Variants in ZDHHC2 observed in about 807,000 individuals in gnomAD.
ZDHHC2 encodes the protein palmitoyltransferase ZDHHC2.
In ZDHHC2, 51 loss-of-function variants were observed where a neutral mutation model predicts 55.6. The ratio of observed to expected loss-of-function variants is 0.92; its 90% confidence interval spans 0.73 to 1.16. The LOEUF is 1.16. ZDHHC2 is among the 50% of genes most tolerant of loss of function. The pLI, the probability that ZDHHC2 is intolerant of heterozygous loss-of-function variation, is 0.00. For synonymous variants in ZDHHC2, 199 were observed against 152.9 expected, an observed-to-expected ratio of 1.30 and a Z score of -2.22; for missense variants, 491 against 442.4, an observed-to-expected ratio of 1.11 and a Z score of -0.99.
chr8:17,194,927 A>G (rs1585700736), intron 3 of ZDHHC2, among the ~76,000 whole-genome samples: 1 of 152,196 alleles, frequency 6.6e-6, no homozygotes, highest in South Asian at 2.1e-4. Context: ...ATTTATATAC[A>G]TATTATTAAA....
chr8:17,222,533 G>A lies in ZDHHC2; in HGVS notation c.*2312G>A, dbSNP rs1807966480. On this transcript the variant is annotated 3_prime_UTR_variant, in exon 13 of 13. Transcript: ENST00000262096. ...TGCTTTTATAGATTTTACTATATAG[G>A]AATCAAGATTTAAGAAATTTTGCAT... 6.6e-6 allele frequency: 1 copy of A among 151,714 alleles called. No individual in the cohort carries two copies. The highest frequency in any genetic ancestry group is 1.5e-5 in the Non-Finnish European group (1 of 67,766). 9.4% of individuals were successfully genotyped at this position (151,714 alleles called of 1,614,324 possible).
At chr8:17,162,933 A>G (rs1056368818) in intron 1 of ZDHHC2, 2 of 152,208 alleles carry the variant, frequency 1.3e-5, no homozygotes, top group Non-Finnish European at 2.9e-5. Flanking sequence ...ATCTTACCAC[A>G]TATATTTAGT....
At chr8:17,156,921 AG>A in intron 1 of ZDHHC2, 68 bp downstream of exon 1, 1 of 1,392,096 alleles carries the variant, frequency 7.2e-7, no homozygotes. Flanking sequence ...CGGGACGCTC[AG>A]CCGCTCCTCC....
rs1171396792 is a variant in ZDHHC2 at position 17,201,481 on chromosome 8, CTTTTTTTTTTTT to C, written c.476+3087_476+3098del. 7.8e-4 allele frequency among the ~76,000 whole-genome samples: 19 copies of C among 24,334 alleles called. No individual in the cohort carries two copies. The East Asian group carries it at 0.018, about 23-fold the overall frequency. 16.0% of individuals were successfully genotyped at this position (24,334 alleles called of 152,430 possible). ...GGGGCAGCCTTTTCTCTCTCTCTCT[CTTTTTTTTTTTT>C]TTTTTTTTTTTTTTTTTTAGATGGA... On this transcript the variant is annotated intron_variant, in intron 6 of 12. Coordinates refer to ENST00000262096, the MANE Select transcript of ZDHHC2 (RefSeq NM_016353.5).
At chr8:17,208,233 T>C (rs1807202040) in intron 8 of ZDHHC2, 141 bp downstream of exon 8, 4 of 794,692 alleles carry the variant, frequency 5.0e-6, no homozygotes, top group East Asian at 6.3e-5. Context: ...TTTTTTGATA[T>C]GTCGCTTAGA....
At chr8:17,215,741 C>A (rs1248831149) in intron 11 of ZDHHC2, among the ~76,000 whole-genome samples, 1 of 152,210 alleles carries the variant, frequency 6.6e-6, no homozygotes, top group Non-Finnish European at 1.5e-5. Flanking sequence ...TCCAAGATTT[C>A]TGTCCAATTT....
chr8:17,215,364 G>C lies in ZDHHC2; in HGVS notation c.1063+15G>C. Reference sequence around the variant, plus strand: ...ATGCAAAGCTGGTAAGGGTGTGCTTGTTTGGCTGTTTTTTGACATATTTTA... The same window carrying C: ...ATGCAAAGCTGGTAAGGGTGTGCTTCTTTGGCTGTTTTTTGACATATTTTA... On this transcript the variant is annotated intron_variant, in intron 11 of 12. Coordinates refer to ENST00000262096, the MANE Select transcript of ZDHHC2 (RefSeq NM_016353.5). 1 of 1,552,768 alleles carries C rather than the reference G, an allele frequency of 6.4e-7. No individual in the cohort carries two copies. Among genetic ancestry groups the C allele is most frequent in the Middle Eastern group, 1.7e-4 (1 of 5,972 alleles).
chr8:17,195,506 C>G lies in ZDHHC2; in HGVS notation c.255C>G (p.Phe85Leu). The G allele has an allele frequency of 1.2e-6, 2 of 1,612,498 alleles. No homozygotes were observed. Among genetic ancestry groups the G allele is most frequent in the Non-Finnish European group, 1.7e-6 (2 of 1,179,112 alleles). Residue 85 changes from phenylalanine (F) to leucine (L), a missense_variant and splice_region_variant, in exon 4 of 13, where the codon TTC becomes TTG. By Grantham distance (22) the Phe-to-Leu change is conservative. Transcript: ENST00000262096. ...TAAGATTTAAATGTATTCCACAGTT[C>G]CATCTCTCTTATGCAGAGAAAGATT... ...FTLPMNPSKE[F>L]HLSYAEKDLL... is the part of the protein sequence containing the mutation.
chr8:17,214,198 C>T (rs1221141685), intron 10 of ZDHHC2, among the ~76,000 whole-genome samples: 7 of 151,758 alleles, frequency 4.6e-5, no homozygotes, highest in East Asian at 3.9e-4. Context: ...TTTATGTATA[C>T]TTTTTCATGC....
chr8:17,166,806 T>C (rs1804622952), intron 1 of ZDHHC2, among the ~76,000 whole-genome samples: 1 of 152,146 alleles, frequency 6.6e-6, no homozygotes, highest in South Asian at 2.1e-4. Context: ...CCATCAAGTC[T>C]GGGAGGACTG....
In ZDHHC2 at chr8:17,209,502, G is replaced by T. The variant is rs539812570; in HGVS notation, c.731-430G>T. Among the ~76,000 whole-genome samples the T allele has an allele frequency of 3.9e-5, 6 of 152,050 alleles. No individual in the cohort carries two copies. The South Asian group carries it at 1.2e-3, about 32-fold the overall frequency. On this transcript the variant is annotated intron_variant, in intron 8 of 12. Coordinates refer to ENST00000262096, the MANE Select transcript of ZDHHC2 (RefSeq NM_016353.5). Reference sequence around the variant, plus strand: ...ACCCTGACTCAAAAATAAACAAATGGATTTACTTAAAAACAAAGGTTGTAG... The same window carrying T: ...ACCCTGACTCAAAAATAAACAAATGTATTTACTTAAAAACAAAGGTTGTAG...
chr8:17,161,823 G>A (rs1282316900), intron 1 of ZDHHC2, among the ~76,000 whole-genome samples: 1 of 152,110 alleles, frequency 6.6e-6, no homozygotes, highest in Non-Finnish European at 1.5e-5. Flanking sequence ...TCACACCACT[G>A]CACTTCAGCC....
chr8:17,160,855 G>A (rs1335618157), intron 1 of ZDHHC2, among the ~76,000 whole-genome samples: 1 of 152,340 alleles, frequency 6.6e-6, no homozygotes, highest in South Asian at 2.1e-4. Context: ...AATGGGCGTG[G>A]CTTTTATTCA....
chr8:17,179,177 C>T (rs1371214090), intron 1 of ZDHHC2, among the ~76,000 whole-genome samples: 1 of 152,116 alleles, frequency 6.6e-6, no homozygotes, highest in South Asian at 2.1e-4. Flanking sequence ...ATCTCAAACT[C>T]CTGGCCTCAA....
At chr8:17,213,874 C>A (rs1347540838) in intron 10 of ZDHHC2, among the ~76,000 whole-genome samples, 1 of 151,938 alleles carries the variant, frequency 6.6e-6, no homozygotes, top group African/African-American at 2.4e-5. Flanking sequence ...TATATTTAAA[C>A]CTGTGTGGAG....
intron 1 of ZDHHC2, among the ~76,000 whole-genome samples, chr8:17,166,059 G>A (rs956332049): frequency 6.6e-6 from 1 of 152,190 alleles, no homozygotes; most frequent in African/African-American, 2.4e-5. Flanking sequence ...TCAGGCCAGA[G>A]GCCACTGTGA....
intron 10 of ZDHHC2, 38 bp from the exon 11 acceptor site, chr8:17,215,199 C>A: frequency 6.6e-7 from 1 of 1,511,346 alleles, no homozygotes; most frequent in Admixed American, 2.1e-5. Flanking sequence ...CAAAAATTAG[C>A]TTATGATGAT....
In ZDHHC2 at chr8:17,199,509, T is replaced by TTCTTCTTCTTCTTCTTCGTCTTCG. The variant is rs1297662337; in HGVS notation, c.476+1101_476+1102insTTCTTCTTCTTCGTCTTCGTCTTC. Among the ~76,000 whole-genome samples, 177 of 121,144 alleles carry TTCTTCTTCTTCTTCTTCGTCTTCG rather than the reference T, an allele frequency of 1.5e-3. 1 individual carries two copies. The highest frequency in any genetic ancestry group is 0.012 in the Middle Eastern group (3 of 242). 79.5% of individuals were successfully genotyped at this position (121,144 alleles called of 152,430 possible). ...CTTCTTCTTCTTCTTCTTCTTCTTC[T>TTCTTCTTCTTCTTCTTCGTCTTCG]TCTTCGTCTTCGTCTTCGTCTTCTG... On this transcript the variant is annotated intron_variant, in intron 6 of 12. Coordinates refer to ENST00000262096, the MANE Select transcript of ZDHHC2 (RefSeq NM_016353.5).
At chr8:17,219,990 G>C (rs903788633) in intron 12 of ZDHHC2, among the ~76,000 whole-genome samples, 1 of 151,788 alleles carries the variant, frequency 6.6e-6, no homozygotes, top group South Asian at 2.1e-4. Context: ...TAGAAATGCA[G>C]AATCTTAGGC....
Sources: gnomAD v4.1 joint callset for allele counts (sites outside exome capture counted in the v4.1 genomes callset) on GRCh38, gnomAD v4.1.1 for gene constraint, MANE v1.5 for transcripts, NCBI Gene and HGNC (gene_info 2026-07-23, HGNC 2026-07-21) for gene names.